The following CACNA1C variants were observed in gnomAD, a reference collection of about 807,000 sequenced individuals.
The protein encoded by CACNA1C is voltage-dependent L-type calcium channel subunit alpha-1C.
Under a neutral mutation model 229.0 loss-of-function variants are expected in CACNA1C, and 30 were observed. The ratio of observed to expected loss-of-function variants is 0.13; its 90% CI spans 0.10 to 0.18. The LOEUF is 0.18. Ranked by LOEUF, CACNA1C falls within the 10% of genes least tolerant of loss-of-function variation. The probability of loss-of-function intolerance (pLI) is 1.00; values close to 1 mark genes in which losing one functional copy is unlikely to be tolerated. For missense variants in CACNA1C, 1,658 were observed against 2,845.0 expected (o/e 0.58, Z 9.49); for synonymous variants, 1,114 against 1,132.5 (o/e 0.98, Z 0.33).
chr12:2,384,213 C>T (rs553623338), intron 3 of CACNA1C, among the ~76,000 whole-genome samples: 1 of 152,208 alleles, frequency 6.6e-6, no homozygotes, highest in African/African-American at 2.4e-5. Context: ...GGCGGAGAAT[C>T]GCGGGTTACT....
At chr12:2,500,153 G>C (rs567338018) in intron 7 of CACNA1C, among the ~76,000 whole-genome samples, 37 of 152,298 alleles carry the variant, frequency 2.4e-4, no homozygotes, top group African/African-American at 8.9e-4. Flanking sequence ...CTCGCCTGCT[G>C]TTCCCCATCT....
rs2097017018 is a variant in CACNA1C at position 2,346,244 on chromosome 12, T to C, written c.478-102732T>C. The stretch of plus-strand genomic sequence containing the variant: ...TCATCTCTGTGTGTGTCTGTGTGTG[T>C]CTCTGTCTGTGCATCTCTCGTATGT... On this transcript the variant is annotated intron_variant, in intron 3 of 46. Transcript: ENST00000399655. The surrounding 1 kb of genome is among the most constrained non-coding windows in gnomAD (Gnocchi z 4.4). Among the ~76,000 whole-genome samples, 1 of 152,082 alleles carries C rather than the reference T, an allele frequency of 6.6e-6. No homozygotes were observed. Among genetic ancestry groups the C allele is most frequent in the Non-Finnish European group, 1.5e-5 (1 of 67,998 alleles).
chr12:2,447,082 G>A (rs1172825554), intron 3 of CACNA1C, among the ~76,000 whole-genome samples: 2 of 152,136 alleles, frequency 1.3e-5, no homozygotes, highest in African/African-American at 4.8e-5. Flanking sequence ...TCATGGGTTG[G>A]GGATAAGGAG....
rs999697479 is a variant in CACNA1C at position 2,639,564 on chromosome 12, C to G, written c.3912+5184C>G. 3.3e-5 allele frequency among the ~76,000 whole-genome samples: 5 copies of G among 152,196 alleles called. No individual in the cohort carries two copies. The highest frequency in any genetic ancestry group is 7.4e-5 in the Non-Finnish European group (5 of 68,026). On this transcript the variant is annotated intron_variant, in intron 30 of 46. Transcript: ENST00000399655. The surrounding 1 kb of genome is among the most constrained non-coding windows in gnomAD (Gnocchi z 4.2). Reference sequence around the variant, plus strand: ...GACTTAGAGCAATGAACTCCATTCTCTGGGCCTCAATTTCCTTGAATGCAA... The same window carrying G: ...GACTTAGAGCAATGAACTCCATTCTGTGGGCCTCAATTTCCTTGAATGCAA...
intron 13 of CACNA1C, 137 bp downstream of exon 13, chr12:2,567,931 G>C (rs773806539): frequency 5.4e-5 from 32 of 595,120 alleles, no homozygotes; most frequent in Admixed American, 8.9e-5. Context: ...CATGCAATGG[G>C]GGTAGTTTGT....
chr12:2,098,421 C>G (rs1448134534), intron 1 of CACNA1C, among the ~76,000 whole-genome samples: 2 of 152,156 alleles, frequency 1.3e-5, no homozygotes, highest in Non-Finnish European at 2.9e-5. Context: ...TTAGAGACTT[C>G]CAGGAGTGGC....
At chr12:2,471,801 C>G (rs1270054963) in intron 5 of CACNA1C, among the ~76,000 whole-genome samples, 1 of 152,086 alleles carries the variant, frequency 6.6e-6, no homozygotes, top group Non-Finnish European at 1.5e-5. Context: ...TCTGCCTCAG[C>G]TCCCGAGTAG....
Position 2,142,483 on chromosome 12 carries a change from G to A in CACNA1C, c.477+22053G>A, listed in dbSNP as rs377662189. On this transcript the variant is annotated intron_variant, in intron 3 of 46. Transcript: ENST00000399655. Reference sequence around the variant, plus strand: ...ACTGTTACTGATTTACGTATTTACTGTGCTATACTTTTAACTGTTATTTTA... The same window carrying A: ...ACTGTTACTGATTTACGTATTTACTATGCTATACTTTTAACTGTTATTTTA... 1.4e-4 allele frequency among the ~76,000 whole-genome samples: 21 copies of A among 151,374 alleles called. 1 individual carries two copies. The East Asian group carries it at 1.5e-3, about 11-fold the overall frequency.
intron 5 of CACNA1C, among the ~76,000 whole-genome samples, chr12:2,468,692 C>G (rs1013061459): frequency 3.3e-5 from 5 of 152,200 alleles, no homozygotes; most frequent in Admixed American, 3.3e-4. Context: ...TTGTGAGCCC[C>G]TTGGGTGGCA....
chr12:2,309,776 G>A (rs961939251), intron 3 of CACNA1C, among the ~76,000 whole-genome samples: 3 of 152,242 alleles, frequency 2.0e-5, no homozygotes, highest in African/African-American at 7.2e-5. Context: ...GCAGCAATCT[G>A]CACAGATATG....
intron 9 of CACNA1C, among the ~76,000 whole-genome samples, chr12:2,544,788 A>T (rs137961984): frequency 6.6e-6 from 1 of 152,260 alleles, no homozygotes; most frequent in South Asian, 2.1e-4. Context: ...GAATATGGGC[A>T]GATGAGGCAA....
chr12:2,526,359 C>T (rs1180277740), intron 9 of CACNA1C, among the ~76,000 whole-genome samples: 1 of 152,140 alleles, frequency 6.6e-6, no homozygotes, highest in Non-Finnish European at 1.5e-5. Flanking sequence ...CTGGAGTGAC[C>T]ACCTCCCAGC....
intron 3 of CACNA1C, among the ~76,000 whole-genome samples, chr12:2,277,788 C>T (rs150896667): frequency 7.9e-5 from 12 of 152,332 alleles, no homozygotes; most frequent in Middle Eastern, 6.8e-3. Flanking sequence ...TAACCGCTCA[C>T]CAAAAATTGA....
At chr12:2,139,841 C>T (rs1025264380) in intron 3 of CACNA1C, among the ~76,000 whole-genome samples, 4 of 151,168 alleles carry the variant, frequency 2.6e-5, no homozygotes, top group East Asian at 1.9e-4. Flanking sequence ...GGGGTGAGGC[C>T]GCTCCCAGGA....
chr12:2,458,446 C>G (rs2099460811), intron 5 of CACNA1C, among the ~76,000 whole-genome samples: 1 of 152,228 alleles, frequency 6.6e-6, no homozygotes, highest in Non-Finnish European at 1.5e-5. Flanking sequence ...CAAGCAAACC[C>G]CAGCCCAAGG....
In CACNA1C at chr12:2,688,573, A is replaced by G. The variant is rs773555903; in HGVS notation, c.5911A>G (p.Thr1971Ala). The G allele has an allele frequency of 1.9e-6, 3 of 1,613,656 alleles. No homozygotes were observed. The South Asian group carries it at 3.3e-5, about 18-fold the overall frequency. ...SRGWPPQPVP[T>A]LRLEGVESSE... ...AGGCTGGCCCCCACAGCCCGTCCCC[A>G]CCCTGCGGCTTGAGGGGGTCGAGTC... Residue 1971 changes from threonine (T) to alanine (A), a missense_variant, in exon 46 of 47, where the codon ACC becomes GCC. Around this residue, in one of 20 missense-constraint regions of CACNA1C, gnomAD observed 590 missense variants for 700.8 expected, o/e 0.84. Transcript: ENST00000399655.
chr12:2,167,514 T>A (rs556594304), intron 3 of CACNA1C, among the ~76,000 whole-genome samples: 7 of 152,326 alleles, frequency 4.6e-5, no homozygotes, highest in Admixed American at 4.6e-4. Context: ...TAGCAGGCAT[T>A]TAATTTGACT....
chr12:2,358,181 C>G (rs2097436798), intron 3 of CACNA1C, among the ~76,000 whole-genome samples: 1 of 151,530 alleles, frequency 6.6e-6, no homozygotes, highest in Non-Finnish European at 1.5e-5. Flanking sequence ...AAGGAGGTGC[C>G]GTTCTCCGGG....
At position 2,128,577 on chromosome 12, in the gene CACNA1C, AT is replaced by A. The variant is rs1165105944; in HGVS notation, c.477+8154del. Reference sequence around the variant, plus strand: ...ACGCGCTCAGCACCATGCCCAGCTAATTTTTTTGTATTTTTAGTAGAGACGG... The same window carrying A: ...ACGCGCTCAGCACCATGCCCAGCTAATTTTTTGTATTTTTAGTAGAGACGG... On this transcript the variant is annotated intron_variant, in intron 3 of 46. Transcript: ENST00000399655. Among the ~76,000 whole-genome samples, 5 of 152,042 alleles carry A rather than the reference AT, an allele frequency of 3.3e-5. No individual in the cohort carries two copies. The East Asian group carries it at 9.7e-4, about 30-fold the overall frequency.
Sources: allele counts gnomAD v4.1 joint callset (sites outside exome capture counted in the v4.1 genomes callset), GRCh38; gene constraint gnomAD v4.1.1; regional missense constraint gnomAD v4.1.1; non-coding constraint Gnocchi (gnomAD v3.1); transcripts MANE v1.5; gene names NCBI Gene and HGNC (gene_info 2026-07-23, HGNC 2026-07-21).